PDE4D: variants seen among roughly 807,000 people sequenced by gnomAD.
PDE4D encodes the protein phosphodiesterase 4D.
PDE4D carries 24 observed loss-of-function variants against 87.4 expected under a neutral mutation model. The ratio of observed to expected loss-of-function variants is 0.27; its 90% CI spans 0.20 to 0.39. The LOEUF is 0.39. PDE4D is among the 10% of genes least tolerant of loss of function. The pLI, the probability that PDE4D is intolerant of heterozygous loss-of-function variation, is 1.00. For synonymous variants in PDE4D, 384 were observed against 383.2 expected (o/e 1.00, Z -0.02); for missense variants, 714 against 1,041.0 (o/e 0.69, Z 4.32).
In PDE4D at chr5:59,437,508, T is replaced by C. The variant is rs185728905; in HGVS notation, c.456-221540A>G. Among the ~76,000 whole-genome samples, 672 of 152,282 alleles carry C rather than the reference T, an allele frequency of 4.4e-3. 6 individuals are homozygous for C. Among genetic ancestry groups the C allele is most frequent in the South Asian group, 0.026 (126 of 4,826 alleles). ...AAAGTTGTAAGATAAAAAATAATCATGCTGCAAGTTCTTACTCTGTCAACT... is the reference window on the plus strand; with the variant it reads ...AAAGTTGTAAGATAAAAAATAATCACGCTGCAAGTTCTTACTCTGTCAACT... On this transcript the variant is annotated intron_variant, in intron 1 of 14. Transcript: ENST00000340635.
At chr5:59,625,367 A>G (rs866483010) in intron 1 of PDE4D, among the ~76,000 whole-genome samples, 6 of 152,300 alleles carry the variant, frequency 3.9e-5, no homozygotes, top group Middle Eastern at 3.4e-3. Context: ...CAGTGGCAGT[A>G]ATGATCTTGA....
chr5:59,023,739 G>A (rs1316330956), intron 6 of PDE4D, among the ~76,000 whole-genome samples: 2 of 152,158 alleles, frequency 1.3e-5, no homozygotes, highest in African/African-American at 2.4e-5. Context: ...TTTGAGGTAT[G>A]AGAAAATACC....
rs930970840 is a variant in PDE4D at position 59,915,028 on chromosome 5, G to T, written c.272+73460C>A. ...TTCTGGGGAAGGAGCAGGTTTGAAG[G>T]TTGTAAATCCAGAGTTTGTTTTAAG... On this transcript the variant is annotated intron_variant, in intron 3 of 16. Transcript: ENST00000502484. 1.1e-4 allele frequency among the ~76,000 whole-genome samples: 17 copies of T among 152,082 alleles called. 1 individual carries two copies. The highest frequency in any genetic ancestry group is 3.6e-4 in the African/African-American group (15 of 41,502).
At chr5:60,372,043 T>A (rs1476459367) in intron 1 of PDE4D, among the ~76,000 whole-genome samples, 1 of 151,668 alleles carries the variant, frequency 6.6e-6, no homozygotes, top group Non-Finnish European at 1.5e-5. Context: ...ATACTGAAAA[T>A]GGTTTTCATA....
intron 4 of PDE4D, 21 bp from the exon 5 acceptor site, chr5:59,180,665 C>T: frequency 6.2e-7 from 1 of 1,610,266 alleles, no homozygotes; most frequent in Non-Finnish European, 8.5e-7. Context: ...CAGAAAAACA[C>T]AAAGCAGTAA....
chr5:59,882,542 G>A (rs965314173), intron 1 of PDE4D, among the ~76,000 whole-genome samples: 1 of 152,176 alleles, frequency 6.6e-6, no homozygotes, highest in African/African-American at 2.4e-5. Flanking sequence ...GAAGGGCTGT[G>A]AGTAAATTAT....
At chr5:60,470,397 G>A (rs1747724118) in intron 1 of PDE4D, among the ~76,000 whole-genome samples, 2 of 152,158 alleles carry the variant, frequency 1.3e-5, no homozygotes, top group African/African-American at 4.8e-5. Context: ...GGATAATATA[G>A]CTAAGATAAC....
intron 11 of PDE4D, among the ~76,000 whole-genome samples, chr5:58,977,597 T>C (rs913281475): frequency 1.3e-5 from 2 of 152,200 alleles, no homozygotes; most frequent in African/African-American, 2.4e-5. Context: ...CTCAGCTTTC[T>C]CTAAAGTGAA....
intron 1 of PDE4D, among the ~76,000 whole-genome samples, chr5:60,356,077 A>C (rs1481879278): frequency 6.6e-6 from 1 of 152,162 alleles, no homozygotes; most frequent in Non-Finnish European, 1.5e-5. Flanking sequence ...GGGTCCTGGG[A>C]ATGCTCCCAA....
chr5:59,943,673 T>C (rs913520310), intron 3 of PDE4D, among the ~76,000 whole-genome samples: 1 of 152,198 alleles, frequency 6.6e-6, no homozygotes, highest in Non-Finnish European at 1.5e-5. Context: ...TGACAGCTCG[T>C]GCGGGCAGCA....
intron 5 of PDE4D, among the ~76,000 whole-genome samples, chr5:59,134,226 AGAAT>A (rs1022935665): frequency 6.4e-4 from 95 of 148,674 alleles, no homozygotes; most frequent in African/African-American, 2.2e-3. Flanking sequence ...ATACAGTACA[AGAAT>A]GAAAGAGAAA....
intron 1 of PDE4D, among the ~76,000 whole-genome samples, chr5:59,437,569 CA>C (rs2153634531): frequency 6.6e-6 from 1 of 152,238 alleles, no homozygotes; most frequent in South Asian, 2.1e-4. Context: ...CTTTGGCAAA[CA>C]AGGCTCTATA....
At chr5:59,653,743 A>G (rs1743903296) in intron 1 of PDE4D, among the ~76,000 whole-genome samples, 1 of 152,222 alleles carries the variant, frequency 6.6e-6, no homozygotes, top group African/African-American at 2.4e-5. Flanking sequence ...CTTCAAATGT[A>G]TGCTTAACTA....
At chr5:59,197,543 T>A (rs986151334) in intron 2 of PDE4D, among the ~76,000 whole-genome samples, 1 of 152,300 alleles carries the variant, frequency 6.6e-6, no homozygotes, top group South Asian at 2.1e-4. Context: ...CATATAATTT[T>A]AAAATCTTTG....
At chr5:60,497,197 A>T (rs959841786) in intron 1 of PDE4D, among the ~76,000 whole-genome samples, 1 of 152,196 alleles carries the variant, frequency 6.6e-6, no homozygotes, top group Non-Finnish European at 1.5e-5. Flanking sequence ...AAAAGGTTGT[A>T]TCAGGTAGTT....
chr5:59,878,079 G>A (rs1748878747), intron 1 of PDE4D, among the ~76,000 whole-genome samples: 1 of 152,024 alleles, frequency 6.6e-6, no homozygotes, highest in Admixed American at 6.6e-5. Context: ...GGGGAAGGAG[G>A]GAAATGACTG....
intron 1 of PDE4D, among the ~76,000 whole-genome samples, chr5:60,358,327 C>A (rs117930908): frequency 1.3e-5 from 2 of 152,264 alleles, no homozygotes; most frequent in East Asian, 1.9e-4. Flanking sequence ...GGGTTCCTGG[C>A]TGGTTTTTCT....
chr5:60,060,210 T>C (rs1316562010), intron 2 of PDE4D, among the ~76,000 whole-genome samples: 1 of 152,040 alleles, frequency 6.6e-6, no homozygotes, highest in African/African-American at 2.4e-5. Flanking sequence ...CCAGTAGATA[T>C]GCCCACACTA....
At chr5:60,084,620 C>G (rs1055326208) in intron 2 of PDE4D, among the ~76,000 whole-genome samples, 4 of 152,196 alleles carry the variant, frequency 2.6e-5, no homozygotes, top group Non-Finnish European at 5.9e-5. Context: ...TACAGAGCAA[C>G]TACTTAAAAG....
Sources: gnomAD v4.1 joint callset for allele counts (sites outside exome capture counted in the v4.1 genomes callset) on GRCh38, gnomAD v4.1.1 for gene constraint, MANE v1.5 for transcripts, NCBI Gene and HGNC (gene_info 2026-07-23, HGNC 2026-07-21) for gene names.